HCN1: variants seen among roughly 807,000 people sequenced by gnomAD.
HCN1 encodes the protein hyperpolarization activated cyclic nucleotide gated potassium channel 1.
Under a neutral mutation model 78.9 loss-of-function variants are expected in HCN1, and 13 were observed. That is an observed-to-expected ratio of 0.16 (90% CI 0.11 to 0.26). The LOEUF (loss-of-function observed/expected upper bound fraction) is 0.26, where lower values mean the gene tolerates loss of function less well. Ranked by LOEUF, HCN1 falls within the 10% of genes least tolerant of loss-of-function variation. The probability of loss-of-function intolerance (pLI) is 1.00; values close to 1 mark genes in which losing one functional copy is unlikely to be tolerated. For missense variants in HCN1, 810 were observed against 1,154.3 expected (o/e 0.70, Z 4.32); for synonymous variants, 552 against 455.5 (o/e 1.21, Z -2.70).
intron 2 of HCN1, among the ~76,000 whole-genome samples, chr5:45,474,098 T>C (rs774900915): frequency 2.0e-5 from 3 of 151,882 alleles, no homozygotes; most frequent in Non-Finnish European, 4.4e-5. Flanking sequence ...CTACACATTT[T>C]AGTTGAGGGA....
In HCN1 at chr5:45,345,937, G is replaced by A. The variant is rs113408749; in HGVS notation, c.1377+7163C>T. Among the ~76,000 whole-genome samples, 26 of 152,312 alleles carry A rather than the reference G, an allele frequency of 1.7e-4. 1 individual carries two copies. The highest frequency in any genetic ancestry group is 6.0e-4 in the African/African-American group (25 of 41,578). ...CTAATAAAGACATACTCGAAAATGA[G>A]TTATTCATAAAGGAAAGAGGTTTAT... On this transcript the variant is annotated intron_variant, in intron 5 of 7. Coordinates refer to ENST00000303230, the MANE Select transcript of HCN1 (RefSeq NM_021072.4).
intron 2 of HCN1, among the ~76,000 whole-genome samples, chr5:45,472,486 C>T (rs376179199): frequency 8.4e-5 from 10 of 119,512 alleles, no homozygotes; most frequent in South Asian, 3.0e-4. Flanking sequence ...AGTAAAAGAA[C>T]GGAGGAAAAG....
intron 1 of HCN1, among the ~76,000 whole-genome samples, chr5:45,659,969 C>A (rs1745890921): frequency 6.8e-6 from 1 of 146,518 alleles, no homozygotes; most frequent in African/African-American, 2.6e-5. Flanking sequence ...CAAAGATACT[C>A]CTCGGGAAGA....
chr5:45,396,505 T>G lies in HCN1; in HGVS notation c.1217A>C (p.Gln406Pro). The G allele has an allele frequency of 6.2e-7, 1 of 1,613,502 alleles. No homozygotes were observed. The highest frequency in any genetic ancestry group is 1.7e-5 in the Admixed American group (1 of 59,944). ...LIQSLDSSRR[Q>P]YQEKYKQVEQ... ...AAAACAAATTACCTTCTCTTGATAC[T>G]GCCGCCTCGAAGAATCCAGAGACTG... The change falls in exon 4 of 8, where the codon CAG (glutamine) becomes CCG (proline). Residue 406 changes from glutamine to proline, a missense_variant. Transcript: ENST00000303230.
intron 2 of HCN1, among the ~76,000 whole-genome samples, chr5:45,494,189 A>G (rs1036786149): frequency 5.3e-5 from 8 of 152,036 alleles, no homozygotes; most frequent in East Asian, 3.9e-4. Flanking sequence ...GACTTCCACA[A>G]TGGTTGAACT....
At chr5:45,587,672 C>T (rs1450121099) in intron 2 of HCN1, among the ~76,000 whole-genome samples, 1 of 152,054 alleles carries the variant, frequency 6.6e-6, no homozygotes, top group East Asian at 1.9e-4. Context: ...ACGTTGTGTA[C>T]ATGTACCCTA....
At position 45,696,263 on chromosome 5, in the gene HCN1, G is replaced by C. The variant is rs1021741941; in HGVS notation, c.-170C>G. 1 of 158,386 alleles carries C rather than the reference G, an allele frequency of 6.3e-6. No individual in the cohort carries two copies. The highest frequency in any genetic ancestry group is 2.4e-5 in the African/African-American group (1 of 40,862). The allele number at this position is 158,386 out of a possible 1,614,324, so 9.8% of individuals were successfully genotyped here. On this transcript the variant is annotated 5_prime_UTR_variant, in exon 1 of 8. Transcript: ENST00000303230. ...GCTGCTGCTTCCCGACCGCGCCGCT[G>C]CTAGCTGCGCGCCTGGCTCCCGCCG...
intron 2 of HCN1, among the ~76,000 whole-genome samples, chr5:45,630,380 T>G (rs1701033128): frequency 6.6e-6 from 1 of 152,156 alleles, no homozygotes; most frequent in Non-Finnish European, 1.5e-5. Context: ...CTTCACTTTT[T>G]TATGGTGACA....
intron 2 of HCN1, among the ~76,000 whole-genome samples, chr5:45,512,542 T>A (rs1215263058): frequency 6.6e-6 from 1 of 152,092 alleles, no homozygotes; most frequent in East Asian, 1.9e-4. Flanking sequence ...ATAGATTACA[T>A]AATCTACTTT....
At chr5:45,308,435 C>T in intron 5 of HCN1, among the ~76,000 whole-genome samples, 1 of 151,986 alleles carries the variant, frequency 6.6e-6, no homozygotes, top group South Asian at 2.1e-4. Flanking sequence ...ATGATTTTGT[C>T]ATAGCATGTA....
At chr5:45,412,419 T>G (rs892071447) in intron 3 of HCN1, among the ~76,000 whole-genome samples, 1 of 152,072 alleles carries the variant, frequency 6.6e-6, no homozygotes, top group Non-Finnish European at 1.5e-5. Flanking sequence ...GTTCTATGGA[T>G]AGTGGAGCCG....
intron 2 of HCN1, among the ~76,000 whole-genome samples, chr5:45,496,586 C>T (rs552218153): frequency 1.6e-3 from 241 of 152,200 alleles, no homozygotes; most frequent in African/African-American, 5.6e-3. Context: ...CTATTTGATA[C>T]TTCTCTCTTT....
intron 2 of HCN1, among the ~76,000 whole-genome samples, chr5:45,584,818 G>T (rs147845302): frequency 0.072 from 10,927 of 152,182 alleles, 571 homozygotes; most frequent in Middle Eastern, 0.15. Flanking sequence ...TGAAATTCTG[G>T]GTTGAAAATT....
intron 2 of HCN1, among the ~76,000 whole-genome samples, chr5:45,547,096 T>A (rs890075251): frequency 4.6e-5 from 7 of 151,982 alleles, no homozygotes; most frequent in Non-Finnish European, 1.0e-4. Context: ...TACTAAAATA[T>A]TCTTATGACA....
chr5:45,466,567 C>T (rs150778329), intron 2 of HCN1, among the ~76,000 whole-genome samples: 196 of 152,076 alleles, frequency 1.3e-3, no homozygotes, highest in African/African-American at 4.6e-3. Flanking sequence ...CTTTATATTT[C>T]GGCACCTGCA....
chr5:45,544,548 A>C (rs1473411643), intron 2 of HCN1, among the ~76,000 whole-genome samples: 1 of 151,742 alleles, frequency 6.6e-6, no homozygotes, highest in Non-Finnish European at 1.5e-5. Flanking sequence ...GCACCCGTTA[A>C]ATTGTCATTT....
intron 3 of HCN1, among the ~76,000 whole-genome samples, chr5:45,421,080 T>C (rs376359586): frequency 6.2e-4 from 94 of 152,226 alleles, no homozygotes; most frequent in African/African-American, 1.9e-3. Context: ...TTCTTTTTTT[T>C]TTGACAGAGT....
chr5:45,292,630 A>C (rs930855489), intron 6 of HCN1, among the ~76,000 whole-genome samples: 2 of 152,018 alleles, frequency 1.3e-5, no homozygotes, highest in Non-Finnish European at 2.9e-5. Context: ...CATATGTATA[A>C]ATTTCCTATC....
At chr5:45,376,347 T>TAG (rs1326291156) in intron 4 of HCN1, among the ~76,000 whole-genome samples, 49 of 97,262 alleles carry the variant, frequency 5.0e-4, no homozygotes, top group African/African-American at 1.5e-3. Flanking sequence ...ATTATATATA[T>TAG]ATAGAGAGAG....
Sources: allele counts gnomAD v4.1 joint callset (sites outside exome capture counted in the v4.1 genomes callset), GRCh38; gene constraint gnomAD v4.1.1; transcripts MANE v1.5; gene names NCBI Gene and HGNC (gene_info 2026-07-23, HGNC 2026-07-21).